Variants in RGS7 observed in about 807,000 individuals in gnomAD.
The protein encoded by RGS7 is regulator of G-protein signaling 7.
In RGS7, 27 loss-of-function variants were observed where a neutral mutation model predicts 81.1. That is an observed-to-expected ratio of 0.33 (90% CI 0.25 to 0.46). The LOEUF is 0.46. Among genes scored for constraint, RGS7 ranks in the 20% least tolerant of loss-of-function variants. The pLI, the probability that RGS7 is intolerant of heterozygous loss-of-function variation, is 1.00. For missense variants in RGS7, 396 were observed against 607.4 expected, an observed-to-expected ratio of 0.65 and a Z score of 3.66; for synonymous variants, 208 against 207.7, an observed-to-expected ratio of 1.00 and a Z score of -0.01.
At chr1:240,830,576 A>G (rs533738907) in intron 9 of RGS7, among the ~76,000 whole-genome samples, 1 of 152,230 alleles carries the variant, frequency 6.6e-6, no homozygotes, top group Non-Finnish European at 1.5e-5. Context: ...TCCACAAATG[A>G]CCGAGTCATC....
intron 2 of RGS7, among the ~76,000 whole-genome samples, chr1:241,347,111 G>A (rs2082941711): frequency 6.6e-6 from 1 of 152,150 alleles, no homozygotes; most frequent in Non-Finnish European, 1.5e-5. Flanking sequence ...GGAGAGCTTT[G>A]TGTGGACAAT....
At chr1:240,841,059 T>C (rs1198538562) in intron 9 of RGS7, among the ~76,000 whole-genome samples, 1 of 152,190 alleles carries the variant, frequency 6.6e-6, no homozygotes, top group Non-Finnish European at 1.5e-5. Context: ...AGGAAACAAA[T>C]ACTCCAATTC....
At chr1:241,097,811 C>A (rs1458095143) in intron 3 of RGS7, among the ~76,000 whole-genome samples, 1 of 152,178 alleles carries the variant, frequency 6.6e-6, no homozygotes, top group African/African-American at 2.4e-5. Context: ...CCAATCAAAC[C>A]CGCGGGGGTT....
chr1:241,072,437 C>A (rs1432710078), intron 3 of RGS7, among the ~76,000 whole-genome samples: 1 of 152,082 alleles, frequency 6.6e-6, no homozygotes, highest in Non-Finnish European at 1.5e-5. Context: ...TGTGTCCTGC[C>A]GAAGGTTGTC....
chr1:241,253,422 C>A (rs1045011854), intron 2 of RGS7, among the ~76,000 whole-genome samples: 3 of 152,068 alleles, frequency 2.0e-5, no homozygotes, highest in African/African-American at 7.2e-5. Context: ...CCCAGGTGGC[C>A]ATAGATCTCT....
chr1:241,341,354 A>G (rs577054542), intron 2 of RGS7, among the ~76,000 whole-genome samples: 7 of 152,214 alleles, frequency 4.6e-5, no homozygotes, highest in Non-Finnish European at 8.8e-5. Flanking sequence ...AAGTGAAAAT[A>G]ATTAATAACA....
chr1:241,150,753 C>T (rs151220226), intron 2 of RGS7, among the ~76,000 whole-genome samples: 44 of 152,270 alleles, frequency 2.9e-4, no homozygotes, highest in African/African-American at 1.0e-3. Context: ...TGGAGTCACA[C>T]AATTATGGAG....
intron 2 of RGS7, among the ~76,000 whole-genome samples, chr1:241,162,222 G>GCGCCCCCCCCCCCCCCCCC (rs68166816): frequency 7.0e-6 from 1 of 142,028 alleles, no homozygotes; most frequent in African/African-American, 2.6e-5. Flanking sequence ...CTGGTGATCA[G>GCGCCCCCCCCCCCCCCCCC]CTTCCAAATA....
chr1:241,293,540 G>A (rs1043346905), intron 2 of RGS7, among the ~76,000 whole-genome samples: 1 of 152,092 alleles, frequency 6.6e-6, no homozygotes, highest in Non-Finnish European at 1.5e-5. Flanking sequence ...CCCTGTGTAC[G>A]CTGAGGCTAA....
chr1:240,800,665 G>C lies in RGS7; in HGVS notation c.1470C>G (p.Ala490=). 1 of 1,547,032 alleles carries C rather than the reference G, an allele frequency of 6.5e-7. No homozygotes were observed. The change falls in exon 18 of 19, where the codon GCC becomes GCG. Residue 490 remains alanine, a synonymous_variant. Coordinates refer to ENST00000440928, the MANE Select transcript of RGS7 (RefSeq NM_001364886.1). ...CHKNCTPTLR[A]STNLL ...CCTCTTTTCATAACAGGTTAGTGCT[G>C]GCCCTCAGTGTTGGTGTACAGTTTT...
chr1:241,332,901 A>AACAATGT (rs1311336452), intron 2 of RGS7, among the ~76,000 whole-genome samples: 3 of 152,216 alleles, frequency 2.0e-5, no homozygotes, highest in Admixed American at 6.5e-5. Flanking sequence ...ATGAACAATG[A>AACAATGT]ACAGGACCAT....
intron 2 of RGS7, among the ~76,000 whole-genome samples, chr1:241,354,724 C>T (rs1176390427): frequency 6.6e-6 from 1 of 152,174 alleles, no homozygotes; most frequent in Non-Finnish European, 1.5e-5. Flanking sequence ...CTTCAATGGG[C>T]TTTTCTCTAA....
intron 3 of RGS7, among the ~76,000 whole-genome samples, chr1:241,095,180 G>A (rs773021942): frequency 4.6e-5 from 7 of 152,058 alleles, no homozygotes; most frequent in South Asian, 4.1e-4. Context: ...CATGCTCCCC[G>A]GAGCTGCCCA....
At chr1:241,325,903 G>C (rs1156923986) in intron 2 of RGS7, among the ~76,000 whole-genome samples, 1 of 152,126 alleles carries the variant, frequency 6.6e-6, no homozygotes, top group Non-Finnish European at 1.5e-5. Flanking sequence ...AGGATGACTT[G>C]GAACAACCGT....
chr1:241,157,806 C>A (rs1238890569), intron 2 of RGS7, among the ~76,000 whole-genome samples: 1 of 131,824 alleles, frequency 7.6e-6, no homozygotes, highest in Admixed American at 7.3e-5. Flanking sequence ...AAACTTTTTT[C>A]TTTTCTTTTC....
intron 2 of RGS7, among the ~76,000 whole-genome samples, chr1:241,337,288 G>T (rs1463692658): frequency 6.6e-6 from 1 of 151,996 alleles, no homozygotes; most frequent in Non-Finnish European, 1.5e-5. Context: ...TACTCATTTT[G>T]TTTCTTGCCC....
intron 9 of RGS7, among the ~76,000 whole-genome samples, chr1:240,849,223 AC>A (rs1659644269): frequency 1.3e-5 from 2 of 152,180 alleles, no homozygotes; most frequent in South Asian, 2.1e-4. Flanking sequence ...TCAACAAGTT[AC>A]CCCCTTCGTT....
intron 6 of RGS7, among the ~76,000 whole-genome samples, chr1:240,905,815 G>A (rs1670726706): frequency 6.6e-6 from 1 of 152,204 alleles, no homozygotes; most frequent in African/African-American, 2.4e-5. Flanking sequence ...TTGGCTCTAA[G>A]ATGACATGCA....
At chr1:241,031,534 G>A (rs1198594628) in intron 3 of RGS7, among the ~76,000 whole-genome samples, 2 of 152,024 alleles carry the variant, frequency 1.3e-5, no homozygotes, top group Non-Finnish European at 2.9e-5. Context: ...TTATTTTTTA[G>A]TACTTTGAAA....
Sources: gnomAD v4.1 joint callset for allele counts (sites outside exome capture counted in the v4.1 genomes callset) on GRCh38, gnomAD v4.1.1 for gene constraint, MANE v1.5 for transcripts, NCBI Gene and HGNC (gene_info 2026-07-23, HGNC 2026-07-21) for gene names.